Variants in JARID2 observed in about 807,000 individuals in gnomAD.
JARID2 encodes protein Jumonji.
Under a neutral mutation model 125.6 loss-of-function variants are expected in JARID2, and 21 were observed. That is an observed-to-expected ratio of 0.17 (90% CI 0.12 to 0.24). The LOEUF is 0.24. JARID2 is among the 10% of genes least tolerant of loss of function. JARID2 has a pLI of 1.00. For missense variants in JARID2, 1,303 were observed against 1,639.6 expected (o/e 0.79, Z 3.55); for synonymous variants, 736 against 661.6 (o/e 1.11, Z -1.73).
In JARID2 at chr6:15,497,120, A is replaced by G. The variant is rs200415904; in HGVS notation, c.1895A>G (p.Lys632Arg). ...AACGTGCAGCGGCTGGCCTGCATCA[A>G]GAAGCACCTCAAATCTCAGGGCATC... ...GPNVQRLACI[K>R]KHLKSQGITM... Residue 632 changes from lysine (K) to arginine (R), a missense_variant, in exon 7 of 18, where the codon AAG becomes AGG. Lys to Arg is a conservative substitution (Grantham distance 26). This residue lies in a region of JARID2 where 64 missense variants were observed against 166.8 expected (regional missense o/e 0.38). Transcript: ENST00000341776. 2.0e-5 allele frequency: 32 copies of G among 1,564,388 alleles called. No individual in the cohort carries two copies. The highest frequency in any genetic ancestry group is 9.5e-5 in the Admixed American group (5 of 52,624).
At chr6:15,247,396 G>T in intron 1 of JARID2, 1 of 975,442 alleles carries the variant, frequency 1.0e-6, no homozygotes, top group Non-Finnish European at 1.2e-6. Context: ...ATTGGCATGG[G>T]GAGTGTTTTT....
At chr6:15,485,202 T>C (rs1279859128) in intron 5 of JARID2, among the ~76,000 whole-genome samples, 1 of 152,200 alleles carries the variant, frequency 6.6e-6, no homozygotes, top group African/African-American at 2.4e-5. Context: ...CCTTCAGTAT[T>C]TTAAAATCTA....
chr6:15,271,407 C>T (rs73361517), intron 1 of JARID2, among the ~76,000 whole-genome samples: 10,560 of 152,216 alleles, frequency 0.069, 1,251 homozygotes, highest in African/African-American at 0.24. Flanking sequence ...TGCAGTGGTT[C>T]GCTTCTTTTT....
At chr6:15,519,886 G>T (rs901295665) in intron 17 of JARID2, among the ~76,000 whole-genome samples, 183 bp from the exon 18 acceptor site, 1 of 152,144 alleles carries the variant, frequency 6.6e-6, no homozygotes, top group African/African-American at 2.4e-5. Context: ...TGTGGCATCA[G>T]GAGGAGCTGG....
intron 1 of JARID2, among the ~76,000 whole-genome samples, chr6:15,298,182 ATTTCT>A (rs1198271887): frequency 6.6e-6 from 1 of 152,192 alleles, no homozygotes; most frequent in Non-Finnish European, 1.5e-5. Flanking sequence ...AGTTTAAGTC[ATTTCT>A]TTTTATTTGA....
At chr6:15,416,730 G>A (rs1581532404) in intron 3 of JARID2, among the ~76,000 whole-genome samples, 1 of 150,810 alleles carries the variant, frequency 6.6e-6, no homozygotes, top group South Asian at 2.1e-4. Flanking sequence ...AGGGGGGAGA[G>A]GGAGAGGGAG....
chr6:15,482,814 A>G (rs568598273), intron 5 of JARID2, among the ~76,000 whole-genome samples: 1 of 152,322 alleles, frequency 6.6e-6, no homozygotes, highest in South Asian at 2.1e-4. Flanking sequence ...TGTTACATTA[A>G]TATCCATTGG....
chr6:15,457,670 G>T (rs552961117), intron 4 of JARID2, among the ~76,000 whole-genome samples: 1 of 150,714 alleles, frequency 6.6e-6, no homozygotes, highest in African/African-American at 2.4e-5. Flanking sequence ...CACTTCTTTG[G>T]GATTTGGAAG....
At chr6:15,426,461 A>G (rs149000020) in intron 3 of JARID2, among the ~76,000 whole-genome samples, 1 of 152,230 alleles carries the variant, frequency 6.6e-6, no homozygotes. Flanking sequence ...AGCTAGGCAG[A>G]CTGGAAATGA....
intron 2 of JARID2, among the ~76,000 whole-genome samples, chr6:15,405,665 G>C (rs1765619565): frequency 6.6e-6 from 1 of 152,162 alleles, no homozygotes; most frequent in South Asian, 2.1e-4. Flanking sequence ...GGTTTGTGTT[G>C]GTCGGGGTGG....
At chr6:15,288,374 G>A (rs988004519) in intron 1 of JARID2, among the ~76,000 whole-genome samples, 25 of 152,234 alleles carry the variant, frequency 1.6e-4, no homozygotes, top group African/African-American at 6.0e-4. Flanking sequence ...TCTCATTCAC[G>A]ATTGCTAGGA....
intron 4 of JARID2, among the ~76,000 whole-genome samples, chr6:15,458,433 A>G (rs1768291814): frequency 6.6e-6 from 1 of 152,146 alleles, no homozygotes; most frequent in South Asian, 2.1e-4. Flanking sequence ...GTTCCTCGTA[A>G]ATATCCTTAC....
chr6:15,282,232 A>T (rs1407659330), intron 1 of JARID2, among the ~76,000 whole-genome samples: 2 of 151,692 alleles, frequency 1.3e-5, no homozygotes, highest in Non-Finnish European at 2.9e-5. Context: ...CGTGAGCCAC[A>T]GCGCCTGTCA....
intron 1 of JARID2, among the ~76,000 whole-genome samples, chr6:15,370,652 G>A (rs1764133959): frequency 6.6e-6 from 1 of 152,056 alleles, no homozygotes; most frequent in African/African-American, 2.4e-5. Context: ...TATCTGGGCT[G>A]TTTTTTAGAG....
At chr6:15,367,143 T>A (rs1223199661) in intron 1 of JARID2, among the ~76,000 whole-genome samples, 1 of 152,210 alleles carries the variant, frequency 6.6e-6, no homozygotes, top group Non-Finnish European at 1.5e-5. Flanking sequence ...ACTCTACCTG[T>A]GAAGCATGAG....
chr6:15,289,004 G>T (rs777652804), intron 1 of JARID2, among the ~76,000 whole-genome samples: 25 of 152,206 alleles, frequency 1.6e-4, no homozygotes, highest in Non-Finnish European at 3.4e-4. Flanking sequence ...AGCAGGGGTG[G>T]TTGTCCAAGC....
At chr6:15,402,468 C>T (rs891304404) in intron 2 of JARID2, among the ~76,000 whole-genome samples, 2 of 152,194 alleles carry the variant, frequency 1.3e-5, no homozygotes, top group Non-Finnish European at 2.9e-5. Flanking sequence ...AGTGCAAATT[C>T]TGTGAGATGA....
intron 1 of JARID2, among the ~76,000 whole-genome samples, chr6:15,285,434 C>CT (rs1446094958): frequency 1.3e-5 from 2 of 152,008 alleles, no homozygotes; most frequent in Non-Finnish European, 2.9e-5. Flanking sequence ...CGTCAGTGTA[C>CT]TTTAAGTATA....
intron 1 of JARID2, among the ~76,000 whole-genome samples, chr6:15,294,354 G>A (rs750074206): frequency 1.3e-5 from 2 of 152,060 alleles, no homozygotes; most frequent in African/African-American, 2.4e-5. Flanking sequence ...CAGCACACCC[G>A]GCTAATTTTT....
Sources: allele counts gnomAD v4.1 joint callset (sites outside exome capture counted in the v4.1 genomes callset), GRCh38; gene constraint gnomAD v4.1.1; regional missense constraint gnomAD v4.1.1; transcripts MANE v1.5; gene names NCBI Gene and HGNC (gene_info 2026-07-23, HGNC 2026-07-21).